Variants in ELMOD1 observed in about 807,000 individuals in gnomAD.
ELMOD1 encodes the protein ELMO domain containing 1.
In ELMOD1, 21 loss-of-function variants were observed where a neutral mutation model predicts 46.7. That is an observed-to-expected ratio of 0.45 (90% CI 0.32 to 0.65). The LOEUF is 0.65. Among genes scored for constraint, ELMOD1 ranks in the 30% least tolerant of loss-of-function variants. The pLI is 0.04. For synonymous variants in ELMOD1, 122 were observed against 138.2 expected (o/e 0.88, Z 0.82); for missense variants, 348 against 407.8 (o/e 0.85, Z 1.26).
Position 107,666,679 on chromosome 11 carries a change from T to C in ELMOD1, c.*1482T>C, listed in dbSNP as rs1866851432. ...ACCTTCTGACTATCAATTTTAGTATTATTAGATGTTTGTGTAACCACTTGC... is the reference window on the plus strand; with the variant it reads ...ACCTTCTGACTATCAATTTTAGTATCATTAGATGTTTGTGTAACCACTTGC... On this transcript the variant is annotated 3_prime_UTR_variant, in exon 12 of 12. Coordinates refer to ENST00000265840, the MANE Select transcript of ELMOD1 (RefSeq NM_018712.4). 1 of 152,642 alleles carries C rather than the reference T, an allele frequency of 6.6e-6. No individual in the cohort carries two copies. Among genetic ancestry groups the C allele is most frequent in the Non-Finnish European group, 1.5e-5 (1 of 68,032 alleles). The allele number at this position is 152,642 out of a possible 1,614,324, so 9.5% of individuals were successfully genotyped here.
At chr11:107,620,953 C>T (rs1865937363) in intron 2 of ELMOD1, among the ~76,000 whole-genome samples, 1 of 152,146 alleles carries the variant, frequency 6.6e-6, no homozygotes, top group Non-Finnish European at 1.5e-5. Context: ...AAAGAAGGAA[C>T]ATTTTTTAAG....
chr11:107,604,324 C>T (rs1865652186), intron 1 of ELMOD1, among the ~76,000 whole-genome samples: 1 of 152,126 alleles, frequency 6.6e-6, no homozygotes, highest in Admixed American at 6.5e-5. Flanking sequence ...ATATGAGTTG[C>T]TCTATCAACA....
At chr11:107,632,029 T>C (rs553162251) in intron 5 of ELMOD1, among the ~76,000 whole-genome samples, 3 of 152,354 alleles carry the variant, frequency 2.0e-5, no homozygotes, top group South Asian at 4.1e-4. Flanking sequence ...CTTAAGCTGA[T>C]TCTGTTCCAT....
intron 9 of ELMOD1, chr11:107,653,919 G>C: frequency 2.1e-6 from 1 of 473,760 alleles, no homozygotes; most frequent in Non-Finnish European, 3.8e-6. Flanking sequence ...TAGTGCAAAA[G>C]AATAGCTTAA....
intron 6 of ELMOD1, among the ~76,000 whole-genome samples, chr11:107,644,965 C>T (rs931028886): frequency 6.6e-6 from 1 of 151,238 alleles, no homozygotes; most frequent in Admixed American, 6.6e-5. Context: ...ACTCTGTCGC[C>T]CGGGCTGGAG....
At chr11:107,609,435 G>C (rs151020362) in intron 1 of ELMOD1, among the ~76,000 whole-genome samples, 136 of 152,320 alleles carry the variant, frequency 8.9e-4, no homozygotes, top group African/African-American at 3.2e-3. Context: ...GAGCTACGCA[G>C]AAAGTAGCTT....
intron 2 of ELMOD1, among the ~76,000 whole-genome samples, chr11:107,619,278 G>A (rs563035055): frequency 1.5e-4 from 23 of 152,288 alleles, no homozygotes; most frequent in Middle Eastern, 3.4e-3. Flanking sequence ...ATCAGCATTT[G>A]TTTTATTGTA....
intron 9 of ELMOD1, chr11:107,653,910 A>C (rs1866573669): frequency 4.5e-6 from 2 of 442,648 alleles, no homozygotes; most frequent in Non-Finnish European, 4.1e-6. Flanking sequence ...CATTAATGAT[A>C]GTGCAAAAGA....
intron 9 of ELMOD1, chr11:107,653,834 G>C (rs72990752): frequency 9.9e-6 from 2 of 202,696 alleles, no homozygotes. Context: ...ATGCAGTAGG[G>C]AATCAGGAGA....
At chr11:107,620,638 C>T (rs921961930) in intron 2 of ELMOD1, among the ~76,000 whole-genome samples, 5 of 152,282 alleles carry the variant, frequency 3.3e-5, no homozygotes, top group East Asian at 1.9e-4. Flanking sequence ...GAGGCCTAGG[C>T]GGGCAGATCA....
chr11:107,612,595 C>G (rs1461516096), intron 1 of ELMOD1, among the ~76,000 whole-genome samples: 1 of 152,110 alleles, frequency 6.6e-6, no homozygotes, highest in Non-Finnish European at 1.5e-5. Flanking sequence ...ATAGCAGAGG[C>G]TTAGTAGAAT....
chr11:107,594,671 T>C lies in ELMOD1; in HGVS notation c.-86+3262T>C, dbSNP rs1728906. On this transcript the variant is annotated intron_variant, in intron 1 of 11. Coordinates refer to ENST00000265840, the MANE Select transcript of ELMOD1 (RefSeq NM_018712.4). ...TAAAAGTAGATAATTAAATATAATA[T>C]TTGAGATGCCGATCAATAGTCAGTT... Among the ~76,000 whole-genome samples the C allele has an allele frequency of 1.6e-3, 240 of 152,330 alleles. 2 individuals are homozygous for C. Among genetic ancestry groups the C allele is most frequent in the African/African-American group, 5.6e-3 (231 of 41,576 alleles).
intron 5 of ELMOD1, among the ~76,000 whole-genome samples, 158 bp from the exon 6 acceptor site, chr11:107,635,478 A>G (rs533068811): frequency 6.6e-6 from 1 of 152,326 alleles, no homozygotes; most frequent in South Asian, 2.1e-4. Context: ...GTGGAGATTT[A>G]ATAAGAATTG....
Position 107,644,351 on chromosome 11 carries a change from A to G in ELMOD1, c.421-3117A>G, listed in dbSNP as rs1025047149. ...TCAAATGTTTTACTAAGCATTTAAT[A>G]AGCATCCCACGCTATAAGCATTCAC... On this transcript the variant is annotated intron_variant, in intron 6 of 11. Transcript: ENST00000265840. Among the ~76,000 whole-genome samples the G allele has an allele frequency of 2.6e-5, 4 of 152,216 alleles. No homozygotes were observed. In the East Asian group the frequency reaches 7.7e-4, roughly 29 times the overall value.
Position 107,647,671 on chromosome 11 carries a change from T to G in ELMOD1, c.554+70T>G, listed in dbSNP as rs1202622806. On this transcript the variant is annotated intron_variant, in intron 7 of 11. Coordinates refer to ENST00000265840, the MANE Select transcript of ELMOD1 (RefSeq NM_018712.4). ...TCTCCTCATACTGAAATGGCAAAAG[T>G]TGAGTAATTAGCTTCAAAAGGTACT... 4 of 1,490,224 alleles carry G rather than the reference T, an allele frequency of 2.7e-6. No individual in the cohort carries two copies. In the African/African-American group the frequency reaches 5.6e-5, roughly 21 times the overall value. 92.3% of individuals were successfully genotyped at this position (1,490,224 alleles called of 1,614,324 possible).
At chr11:107,635,432 C>T (rs1039430495) in intron 5 of ELMOD1, among the ~76,000 whole-genome samples, 6 of 152,078 alleles carry the variant, frequency 3.9e-5, no homozygotes, top group Admixed American at 1.3e-4. Flanking sequence ...AGTCAGACTT[C>T]GAGGCAAATT....
chr11:107,597,812 C>T (rs559645243), intron 1 of ELMOD1, among the ~76,000 whole-genome samples: 1 of 152,200 alleles, frequency 6.6e-6, no homozygotes, highest in South Asian at 2.1e-4. Flanking sequence ...AATTAAAGAG[C>T]CTGTTTCCAG....
chr11:107,664,299 A>C (rs1403515539), intron 11 of ELMOD1, among the ~76,000 whole-genome samples: 1 of 152,202 alleles, frequency 6.6e-6, no homozygotes, highest in African/African-American at 2.4e-5. Context: ...TGGTAGATAA[A>C]AATAATTAAA....
intron 9 of ELMOD1, among the ~76,000 whole-genome samples, chr11:107,651,498 C>T (rs1466938845): frequency 6.6e-6 from 1 of 152,060 alleles, no homozygotes; most frequent in East Asian, 1.9e-4. Context: ...TTTCCCCCTC[C>T]ACCTTACTAT....
Sources: allele counts gnomAD v4.1 joint callset (sites outside exome capture counted in the v4.1 genomes callset), GRCh38; gene constraint gnomAD v4.1.1; transcripts MANE v1.5; gene names NCBI Gene and HGNC (gene_info 2026-07-23, HGNC 2026-07-21).